SPATS2: variants seen among roughly 807,000 people sequenced by gnomAD.
The protein encoded by SPATS2 is spermatogenesis associated serine rich 2, also known as spermatogenesis-associated serine-rich protein 2.
A neutral mutation model predicts 63.7 loss-of-function variants in SPATS2; 38 were observed. That is an observed-to-expected ratio of 0.60 (90% CI 0.46 to 0.78). The LOEUF (loss-of-function observed/expected upper bound fraction) is 0.78. Among genes scored for constraint, SPATS2 ranks in the 30% least tolerant of loss-of-function variants. The probability of loss-of-function intolerance (pLI) is 0.00; values close to 1 mark genes in which losing one functional copy is unlikely to be tolerated. For missense variants in SPATS2, 588 were observed against 666.2 expected (o/e 0.88, Z 1.29); for synonymous variants, 207 against 232.9 (o/e 0.89, Z 1.01).
At chr12:49,524,222 C>A (rs955314715) in intron 12 of SPATS2, among the ~76,000 whole-genome samples, 11 of 152,186 alleles carry the variant, frequency 7.2e-5, no homozygotes, top group African/African-American at 2.7e-4. Context: ...TACCTTGTAT[C>A]ATTCAAAATT....
intron 1 of SPATS2, among the ~76,000 whole-genome samples, chr12:49,369,238 A>G (rs1180095905): frequency 6.6e-6 from 1 of 152,016 alleles, no homozygotes; most frequent in Non-Finnish European, 1.5e-5. Context: ...CATCTTGGCC[A>G]GGCTGGTCTC....
intron 9 of SPATS2, among the ~76,000 whole-genome samples, chr12:49,508,650 G>T (rs1348705331): frequency 2.0e-5 from 3 of 151,778 alleles, no homozygotes; most frequent in African/African-American, 7.3e-5. Flanking sequence ...ACCCAGTCTG[G>T]TCTTGACCTC....
At chr12:49,376,823 A>G (rs1458722812) in intron 2 of SPATS2, among the ~76,000 whole-genome samples, 1 of 144,738 alleles carries the variant, frequency 6.9e-6, no homozygotes, top group African/African-American at 2.6e-5. Flanking sequence ...GATTCAAGCA[A>G]TTCTCCTGCC....
At chr12:49,512,305 AAAC>A (rs1310838783) in intron 9 of SPATS2, among the ~76,000 whole-genome samples, 1 of 152,228 alleles carries the variant, frequency 6.6e-6, no homozygotes, top group Non-Finnish European at 1.5e-5. Context: ...GCAACATGAC[AAAC>A]AACAAACAAA....
chr12:49,413,266 G>A (rs1297077148), intron 2 of SPATS2, among the ~76,000 whole-genome samples: 1 of 152,128 alleles, frequency 6.6e-6, no homozygotes, highest in Non-Finnish European at 1.5e-5. Context: ...GAGCAGGGAA[G>A]TTCAAATAGG....
chr12:49,425,316 C>T (rs573311335), intron 2 of SPATS2, among the ~76,000 whole-genome samples: 179 of 152,122 alleles, frequency 1.2e-3, no homozygotes, highest in African/African-American at 4.2e-3. Flanking sequence ...AATAATTTTT[C>T]TTATAGTTTA....
At chr12:49,490,563 A>G in intron 5 of SPATS2, 119 bp from the exon 6 acceptor site, 2 of 939,024 alleles carry the variant, frequency 2.1e-6, no homozygotes, top group Non-Finnish European at 3.3e-6. Flanking sequence ...CTTAACTTTA[A>G]CTTTTCTGTT....
Position 49,389,586 on chromosome 12 carries a change from A to G in SPATS2, c.-244+18296A>G, listed in dbSNP as rs574680501. The G allele has an allele frequency of 1.1e-5, 12 of 1,053,522 alleles. No homozygotes were observed. In the African/African-American group the frequency reaches 1.7e-4, roughly 15 times the overall value. 65.3% of individuals were successfully genotyped at this position (1,053,522 alleles called of 1,614,324 possible). Reference sequence around the variant, plus strand: ...GTTGAAAGATTAAGAGATCACGACGATGCAGCAGAAACTCTGATTGAGCAA... The same window carrying G: ...GTTGAAAGATTAAGAGATCACGACGGTGCAGCAGAAACTCTGATTGAGCAA... On this transcript the variant is annotated intron_variant, in intron 2 of 13. Coordinates refer to ENST00000552918, the MANE Select transcript of SPATS2 (RefSeq NM_023071.4).
intron 2 of SPATS2, among the ~76,000 whole-genome samples, chr12:49,454,682 A>G (rs1945687549): frequency 6.6e-6 from 1 of 152,124 alleles, no homozygotes; most frequent in Admixed American, 6.6e-5. Context: ...TAGGAGTTAG[A>G]GACCAGACTG....
intron 9 of SPATS2, among the ~76,000 whole-genome samples, chr12:49,512,628 TA>T (rs1946771631): frequency 6.6e-6 from 1 of 152,244 alleles, no homozygotes; most frequent in Non-Finnish European, 1.5e-5. Flanking sequence ...CAGACCTTGC[TA>T]AAAGTGTCAT....
At chr12:49,437,161 T>G (rs1224355249) in intron 2 of SPATS2, among the ~76,000 whole-genome samples, 1 of 147,662 alleles carries the variant, frequency 6.8e-6, no homozygotes, top group Non-Finnish European at 1.5e-5. Context: ...ACGGGGCGGT[T>G]GCCAGGCAGA....
chr12:49,415,322 G>A (rs954735191), intron 2 of SPATS2, among the ~76,000 whole-genome samples: 2 of 152,186 alleles, frequency 1.3e-5, no homozygotes, highest in African/African-American at 4.8e-5. Context: ...TGGGATTACA[G>A]GCATGAGTCA....
intron 3 of SPATS2, chr12:49,462,495 TC>T (rs761309411): frequency 1.4e-6 from 1 of 698,612 alleles, no homozygotes; most frequent in Non-Finnish European, 2.6e-6. Flanking sequence ...GTGGGCCCTT[TC>T]CCCCCGTGTG....
At chr12:49,500,234 G>A in intron 9 of SPATS2, 29 bp downstream of exon 9, 1 of 1,579,300 alleles carries the variant, frequency 6.3e-7, no homozygotes, top group Non-Finnish European at 8.6e-7. Flanking sequence ...GATATCAGTA[G>A]CATAAAAATG....
Position 49,399,425 on chromosome 12 carries a change from A to G in SPATS2, c.-244+28135A>G, listed in dbSNP as rs116868350. 7.5e-3 allele frequency among the ~76,000 whole-genome samples: 1,148 copies of G among 152,312 alleles called. 9 individuals carry two copies. Among genetic ancestry groups the G allele is most frequent in the Non-Finnish European group, 0.013 (895 of 68,028 alleles). Reference sequence around the variant, plus strand: ...ACTAGAAAAGAGAAATAAGCCCAAGATGGATAGTCTATTAGGGGCCACGCA... The same window carrying G: ...ACTAGAAAAGAGAAATAAGCCCAAGGTGGATAGTCTATTAGGGGCCACGCA... On this transcript the variant is annotated intron_variant, in intron 2 of 13. Transcript: ENST00000552918.
intron 2 of SPATS2, among the ~76,000 whole-genome samples, chr12:49,453,147 C>T (rs1235237256): frequency 7.3e-6 from 1 of 137,712 alleles, no homozygotes; most frequent in Non-Finnish European, 1.5e-5. Context: ...CTGCACAGAG[C>T]GAGACTCCGT....
chr12:49,388,673 G>A (rs1269772476), intron 2 of SPATS2, among the ~76,000 whole-genome samples: 1 of 149,436 alleles, frequency 6.7e-6, no homozygotes. Flanking sequence ...ACCATGCCTA[G>A]CCTTGAACCA....
chr12:49,385,404 T>TA (rs1944297601), intron 2 of SPATS2, among the ~76,000 whole-genome samples: 1 of 133,606 alleles, frequency 7.5e-6, no homozygotes, highest in African/African-American at 3.0e-5. Flanking sequence ...GAGACAGAGA[T>TA]AGAGACAGAG....
At chr12:49,438,008 A>C (rs1945348047) in intron 2 of SPATS2, among the ~76,000 whole-genome samples, 1 of 152,216 alleles carries the variant, frequency 6.6e-6, no homozygotes, top group Non-Finnish European at 1.5e-5. Flanking sequence ...ACAAATCTTA[A>C]GGGTAATCAG....
Sources: allele counts gnomAD v4.1 joint callset (sites outside exome capture counted in the v4.1 genomes callset), GRCh38; gene constraint gnomAD v4.1.1; transcripts MANE v1.5; gene names NCBI Gene and HGNC (gene_info 2026-07-23, HGNC 2026-07-21).